DHRSX: variants seen among roughly 807,000 people sequenced by gnomAD.
The protein encoded by DHRSX is polyprenol dehydrogenase.
DHRSX carries 31 observed loss-of-function variants against 34.0 expected under a neutral mutation model. The observed-to-expected ratio is 0.91, with a 90% confidence interval of 0.69 to 1.23. The LOEUF (loss-of-function observed/expected upper bound fraction) is 1.23, where lower values mean the gene tolerates loss of function less well. DHRSX is among the 50% of genes most tolerant of loss of function. DHRSX has a pLI of 0.00. For synonymous variants in DHRSX, 201 were observed against 183.8 expected (o/e 1.09, Z -0.76); for missense variants, 414 against 428.1 (o/e 0.97, Z 0.29).
At chrX:2,440,421 C>T (rs748100239) in intron 1 of DHRSX, among the ~76,000 whole-genome samples, 2 of 152,070 alleles carry the variant, frequency 1.3e-5, no homozygotes, top group South Asian at 2.1e-4. Context: ...AGGCTGGTTT[C>T]GAGCTCCTAG....
chrX:2,326,142 G>C (rs1310379075), intron 3 of DHRSX, among the ~76,000 whole-genome samples: 1 of 152,200 alleles, frequency 6.6e-6, no homozygotes, highest in Non-Finnish European at 1.5e-5. Context: ...TTGTCTAGGA[G>C]TTCCTGCTGG....
intron 1 of DHRSX, among the ~76,000 whole-genome samples, chrX:2,498,464 T>G (rs1278972275): frequency 6.6e-6 from 1 of 152,072 alleles, no homozygotes; most frequent in Non-Finnish European, 1.5e-5. Context: ...AATCCATACA[T>G]AGGAAGGGGC....
chrX:2,285,727 T>C (rs1450725355), intron 4 of DHRSX, among the ~76,000 whole-genome samples: 1 of 152,186 alleles, frequency 6.6e-6, no homozygotes, highest in East Asian at 1.9e-4. Context: ...AGGCTGCCTA[T>C]AAATAGAAAC....
At chrX:2,438,322 C>CACACACAT (rs903576075) in intron 1 of DHRSX, among the ~76,000 whole-genome samples, 2 of 150,646 alleles carry the variant, frequency 1.3e-5, no homozygotes, top group Non-Finnish European at 3.0e-5. Context: ...CACACACACA[C>CACACACAT]ACACATATAT....
intron 1 of DHRSX, chrX:2,489,705 G>C: frequency 6.2e-7 from 1 of 1,612,842 alleles, no homozygotes; most frequent in Non-Finnish European, 8.5e-7. Context: ...GCCACGTTCT[G>C]CTGCTTCTGC....
chrX:2,224,517 G>A (rs1318993311), intron 6 of DHRSX, among the ~76,000 whole-genome samples: 2 of 152,130 alleles, frequency 1.3e-5, no homozygotes, highest in African/African-American at 2.4e-5. Flanking sequence ...GACAGCAAGC[G>A]CATTGTGCTG....
At chrX:2,310,988 G>A (rs2042157672) in intron 3 of DHRSX, among the ~76,000 whole-genome samples, 1 of 151,676 alleles carries the variant, frequency 6.6e-6, no homozygotes, top group African/African-American at 2.4e-5. Flanking sequence ...TTGAATCCGG[G>A]AGGCGGAGGT....
intron 5 of DHRSX, among the ~76,000 whole-genome samples, chrX:2,248,494 T>G (rs1468460792): frequency 6.8e-6 from 1 of 147,522 alleles, no homozygotes; most frequent in Admixed American, 6.8e-5. Context: ...GCACCTGTAG[T>G]CCCAGCTACT....
chrX:2,459,458 C>T (rs978963655), intron 1 of DHRSX, among the ~76,000 whole-genome samples: 17 of 150,386 alleles, frequency 1.1e-4, no homozygotes, highest in South Asian at 2.1e-4. Flanking sequence ...AATATGGTAA[C>T]TAGCTTGGTT....
chrX:2,270,706 C>A (rs187042838), intron 4 of DHRSX, among the ~76,000 whole-genome samples: 1 of 152,118 alleles, frequency 6.6e-6, no homozygotes, highest in Non-Finnish European at 1.5e-5. Context: ...AAAAAATAAA[C>A]GTGGATGGAG....
At chrX:2,388,202 G>T (rs114675007) in intron 3 of DHRSX, among the ~76,000 whole-genome samples, 10,473 of 152,136 alleles carry the variant, frequency 0.069, 755 homozygotes, top group African/African-American at 0.18. Flanking sequence ...ATGCCAGCTT[G>T]CTGGGGGTTG....
intron 1 of DHRSX, among the ~76,000 whole-genome samples, chrX:2,459,024 A>G (rs1046738253): frequency 1.6e-4 from 25 of 152,062 alleles, no homozygotes; most frequent in African/African-American, 5.8e-4. Context: ...CTGTAGTCCC[A>G]GCTACCTGGG....
intron 3 of DHRSX, among the ~76,000 whole-genome samples, chrX:2,340,432 G>T (rs1416510499): frequency 2.0e-5 from 3 of 151,366 alleles, no homozygotes; most frequent in African/African-American, 4.9e-5. Context: ...TCCATGGTGT[G>T]TGTGTGCGTC....
At chrX:2,226,744 G>A (rs950548941) in intron 6 of DHRSX, among the ~76,000 whole-genome samples, 12 of 151,818 alleles carry the variant, frequency 7.9e-5, no homozygotes, top group African/African-American at 2.9e-4. Context: ...GCAGTGAGCC[G>A]AGATGGCGCC....
chrX:2,463,616 A>C (rs1349755162), intron 1 of DHRSX, among the ~76,000 whole-genome samples: 2 of 152,210 alleles, frequency 1.3e-5, no homozygotes, highest in Non-Finnish European at 2.9e-5. Flanking sequence ...TCTTGGTATC[A>C]AGCGTGTAGG....
intron 3 of DHRSX, among the ~76,000 whole-genome samples, chrX:2,360,675 G>C (rs1402478027): frequency 6.6e-6 from 1 of 151,898 alleles, no homozygotes; most frequent in East Asian, 1.9e-4. Flanking sequence ...ATCTAGGATG[G>C]TAATGGAGCC....
chrX:2,500,467 C>T lies in DHRSX; in HGVS notation c.109+350G>A, dbSNP rs538426273. ...GAGCCCCCGGGTCCCCGGCCATGGC[C>T]CGGAGGTGTCAGGGTGCGCGGGGGG... On this transcript the variant is annotated intron_variant, in intron 1 of 6. Coordinates refer to ENST00000334651, the MANE Select transcript of DHRSX (RefSeq NM_145177.3). 80 of 158,822 alleles carry T rather than the reference C, an allele frequency of 5.0e-4. No homozygotes were observed. The South Asian group carries it at 0.011, about 22-fold the overall frequency. 9.8% of individuals were successfully genotyped at this position (158,822 alleles called of 1,614,324 possible).
chrX:2,232,861 C>A (rs904771549), intron 6 of DHRSX, among the ~76,000 whole-genome samples: 2 of 152,044 alleles, frequency 1.3e-5, no homozygotes, highest in Admixed American at 6.6e-5. Flanking sequence ...CATGAGCCAT[C>A]GTGCCCGACC....
At position 2,304,277 on chromosome X, in the gene DHRSX, ATGGG is replaced by A. The variant is rs1258209865; in HGVS notation, c.287-12678_287-12675del. 3.7e-3 allele frequency among the ~76,000 whole-genome samples: 420 copies of A among 114,392 alleles called. 7 individuals are homozygous for A. Among genetic ancestry groups the A allele is most frequent in the African/African-American group, 0.01 (295 of 28,178 alleles). The allele number at this position is 114,392 out of a possible 152,430, so 75.0% of individuals were successfully genotyped here. On this transcript the variant is annotated intron_variant, in intron 3 of 6. Transcript: ENST00000334651. ...GATGGATGGGTGGGTGGGTGGATGG[ATGGG>A]TGGGTGGGTGGGTGGATGGATGGAT...
Sources: allele counts gnomAD v4.1 joint callset (sites outside exome capture counted in the v4.1 genomes callset), GRCh38; gene constraint gnomAD v4.1.1; transcripts MANE v1.5; gene names NCBI Gene and HGNC (gene_info 2026-07-23, HGNC 2026-07-21).